NKAIN1: variants seen among roughly 807,000 people sequenced by gnomAD.
NKAIN1 encodes the protein sodium/potassium-transporting ATPase subunit beta-1-interacting protein 1.
A neutral mutation model predicts 31.6 loss-of-function variants in NKAIN1; 13 were observed. The observed-to-expected ratio is 0.41, with a 90% CI of 0.27 to 0.65. NKAIN1 has a LOEUF of 0.65. Among genes scored for constraint, NKAIN1 ranks in the 30% least tolerant of loss-of-function variants. The probability of loss-of-function intolerance (pLI) is 0.30; values close to 1 mark genes in which losing one functional copy is unlikely to be tolerated. For missense variants in NKAIN1, 193 were observed against 262.2 expected, an observed-to-expected ratio of 0.74 and a Z score of 1.82; for synonymous variants, 104 against 109.0, an observed-to-expected ratio of 0.95 and a Z score of 0.28.
intron 1 of NKAIN1, among the ~76,000 whole-genome samples, chr1:31,194,596 G>A (rs1285490713): frequency 3.3e-5 from 5 of 149,492 alleles, no homozygotes; most frequent in African/African-American, 9.8e-5. Context: ...TAGTAGAGAC[G>A]GGGTTTCTCC....
At chr1:31,198,895 C>T (rs1353154507) in intron 1 of NKAIN1, among the ~76,000 whole-genome samples, 2 of 152,206 alleles carry the variant, frequency 1.3e-5, no homozygotes, top group African/African-American at 4.8e-5. Context: ...GGGACAAGGG[C>T]TGAATAATGC....
Position 31,180,360 on chromosome 1 carries a change from G to T in NKAIN1, c.*1343C>A, listed in dbSNP as rs756207050. ...CAGTGCGTGGGATGCAGCGTCCTCA[G>T]GAGTGTCTGTGGAGGGAGGTGGGGA... On this transcript the variant is annotated 3_prime_UTR_variant, in exon 7 of 7. Transcript: ENST00000373736. 8 of 152,242 alleles carry T rather than the reference G, an allele frequency of 5.3e-5. No individual in the cohort carries two copies. The highest frequency in any genetic ancestry group is 1.0e-4 in the Non-Finnish European group (7 of 68,068). 9.4% of individuals were successfully genotyped at this position (152,242 alleles called of 1,614,324 possible).
chr1:31,190,726 GC>G (rs1276495342), intron 1 of NKAIN1, among the ~76,000 whole-genome samples: 7 of 152,248 alleles, frequency 4.6e-5, no homozygotes, highest in Admixed American at 1.3e-4. Context: ...TCAGCTGCTG[GC>G]CTTGGGGGAG....
chr1:31,208,632 G>C (rs1217340004), intron 1 of NKAIN1, among the ~76,000 whole-genome samples: 5 of 78,818 alleles, frequency 6.3e-5, no homozygotes, highest in African/African-American at 1.7e-4. Flanking sequence ...CACATAGTGG[G>C]GGGAGGGGGC....
intron 1 of NKAIN1, among the ~76,000 whole-genome samples, chr1:31,213,926 T>A (rs909591122): frequency 2.0e-5 from 3 of 151,502 alleles, no homozygotes; most frequent in Non-Finnish European, 4.4e-5. Context: ...CCCGGGAGAT[T>A]GAGGCTGCAG....
At position 31,183,949 on chromosome 1, in the gene NKAIN1, T is replaced by G. The variant is rs753938159; in HGVS notation, c.339A>C (p.Pro113=). ...TCAGAACAGGTGTCACCAGGCAGCCTGGCCCATTCTCCATCCACCAGGAGC... is the reference window on the plus strand; with the variant it reads ...TCAGAACAGGTGTCACCAGGCAGCCGGGCCCATTCTCCATCCACCAGGAGC... The part of the protein sequence containing the change: ...LHRSWWMENG[P]GCLVTPVLNS... The change falls in exon 4 of 7, where the codon CCA becomes CCC. Residue 113 remains proline (P), a synonymous_variant. Transcript: ENST00000373736. 1 of 1,614,088 alleles carries G rather than the reference T, an allele frequency of 6.2e-7. No homozygotes were observed. The highest frequency in any genetic ancestry group is 1.1e-5 in the South Asian group (1 of 91,082).
chr1:31,181,610 G>T lies in NKAIN1; in HGVS notation c.*93C>A. 7.9e-7 allele frequency: 1 copy of T among 1,260,110 alleles called. No individual in the cohort carries two copies. Among genetic ancestry groups the T allele is most frequent in the Non-Finnish European group, 1.0e-6 (1 of 954,646 alleles). 78.1% of individuals were successfully genotyped at this position (1,260,110 alleles called of 1,614,324 possible). A position where few individuals can be genotyped will look rare whatever the true frequency, so the allele number is the denominator to read the frequency against. On this transcript the variant is annotated 3_prime_UTR_variant, in exon 7 of 7. Transcript: ENST00000373736. ...GGGCACAGGCTGCAGTGAGCGCGCGGGCCACCAGGGGGACACGCCTGCGCC... is the reference window on the plus strand; with the variant it reads ...GGGCACAGGCTGCAGTGAGCGCGCGTGCCACCAGGGGGACACGCCTGCGCC...
At chr1:31,204,532 A>G (rs772629670) in intron 1 of NKAIN1, among the ~76,000 whole-genome samples, 4 of 152,144 alleles carry the variant, frequency 2.6e-5, no homozygotes, top group Non-Finnish European at 4.4e-5. Flanking sequence ...GTGGGCAGCC[A>G]AGGCCTGGAA....
At chr1:31,184,164 A>C in intron 3 of NKAIN1, 150 bp from the exon 4 acceptor site, 1 of 637,768 alleles carries the variant, frequency 1.6e-6, no homozygotes, top group East Asian at 2.8e-5. Context: ...GCACTTAATG[A>C]CCACACAGGC....
intron 1 of NKAIN1, among the ~76,000 whole-genome samples, chr1:31,218,071 T>TCTTTCTTTCTTTCTTTCTTTCTCTTTC (rs201070152): frequency 2.2e-5 from 3 of 133,612 alleles, no homozygotes; most frequent in Admixed American, 8.3e-5. Flanking sequence ...TTTCTTTCTT[T>TCTTTCTTTCTTTCTTTCTTTCTCTTTC]TTTTTTTTTG....
intron 1 of NKAIN1, among the ~76,000 whole-genome samples, chr1:31,234,808 C>T (rs555983569): frequency 6.6e-6 from 1 of 152,230 alleles, no homozygotes; most frequent in South Asian, 2.1e-4. Context: ...ACTGGTTAAA[C>T]GCGAGCAGTA....
At chr1:31,237,397 G>A (rs1210163752) in intron 1 of NKAIN1, among the ~76,000 whole-genome samples, 1 of 152,166 alleles carries the variant, frequency 6.6e-6, no homozygotes, top group East Asian at 1.9e-4. Flanking sequence ...CTTAGTCAAG[G>A]GCTCTCCAAA....
intron 1 of NKAIN1, among the ~76,000 whole-genome samples, chr1:31,228,960 G>C (rs1048662677): frequency 3.9e-5 from 6 of 152,218 alleles, no homozygotes; most frequent in African/African-American, 1.4e-4. Flanking sequence ...CACCCCTGCA[G>C]AGCCTCTGGA....
intron 1 of NKAIN1, among the ~76,000 whole-genome samples, chr1:31,190,986 C>T (rs61778275): frequency 0.53 from 80,589 of 152,118 alleles, 25,131 homozygotes; most frequent in Middle Eastern, 0.76. Context: ...TGAGGAGGCA[C>T]CCTGCCAAAT....
At position 31,220,406 on chromosome 1, in the gene NKAIN1, G is replaced by T. The variant is rs1407290902; in HGVS notation, c.54+19088C>A. Among the ~76,000 whole-genome samples, 10 of 151,856 alleles carry T rather than the reference G, an allele frequency of 6.6e-5. No homozygotes were observed. In the East Asian group the frequency reaches 1.9e-3, roughly 29 times the overall value. On this transcript the variant is annotated intron_variant, in intron 1 of 6. Transcript: ENST00000373736. ...CACTGATAGCATCTGAGTCCACATG[G>T]GCAGGGACATTGCCTCCCATACTAC...
intron 1 of NKAIN1, among the ~76,000 whole-genome samples, chr1:31,225,983 G>A (rs1339218585): frequency 6.6e-6 from 1 of 152,212 alleles, no homozygotes; most frequent in African/African-American, 2.4e-5. Flanking sequence ...TGCTTCTTGA[G>A]CCTTAAGTTG....
At chr1:31,186,061 TTA>T (rs1645239484) in intron 2 of NKAIN1, among the ~76,000 whole-genome samples, 1 of 147,822 alleles carries the variant, frequency 6.8e-6, no homozygotes, top group African/African-American at 2.5e-5. Context: ...AAACCCATAT[TTA>T]AAAAAAAAAA....
At chr1:31,206,764 C>T (rs1445325152) in intron 1 of NKAIN1, among the ~76,000 whole-genome samples, 1 of 152,040 alleles carries the variant, frequency 6.6e-6, no homozygotes, top group Non-Finnish European at 1.5e-5. Context: ...CACAGGGTTT[C>T]ACTCTGTTGC....
chr1:31,229,667 T>A (rs550508365), intron 1 of NKAIN1, among the ~76,000 whole-genome samples: 37 of 151,376 alleles, frequency 2.4e-4, no homozygotes, highest in Non-Finnish European at 4.7e-4. Flanking sequence ...GTCACCAGAG[T>A]CCCTGACAAC....
Sources: allele counts gnomAD v4.1 joint callset (sites outside exome capture counted in the v4.1 genomes callset), GRCh38; gene constraint gnomAD v4.1.1; transcripts MANE v1.5; gene names NCBI Gene and HGNC (gene_info 2026-07-23, HGNC 2026-07-21).